Variants in RNF111 observed in about 807,000 individuals in gnomAD.
RNF111 encodes the protein ring finger protein 111, also known as E3 ubiquitin-protein ligase Arkadia.
Under a neutral mutation model 95.1 loss-of-function variants are expected in RNF111, and 17 were observed. That is an observed-to-expected ratio of 0.18 (90% CI 0.12 to 0.27). RNF111 has a LOEUF of 0.27. Among genes scored for constraint, RNF111 ranks in the 10% least tolerant of loss-of-function variants. The pLI is 1.00. For synonymous variants in RNF111, 440 were observed against 414.8 expected, an observed-to-expected ratio of 1.06 and a Z score of -0.74; for missense variants, 1,189 against 1,210.4, an observed-to-expected ratio of 0.98 and a Z score of 0.26.
At chr15:59,093,393 C>T (rs935823582) in intron 13 of RNF111, 1 of 420,930 alleles carries the variant, frequency 2.4e-6, no homozygotes, top group Non-Finnish European at 4.6e-6. Context: ...CTTCTGTTGC[C>T]CAGGCTCAGG....
At chr15:59,061,629 C>G (rs1395492976) in intron 5 of RNF111, among the ~76,000 whole-genome samples, 2 of 152,206 alleles carry the variant, frequency 1.3e-5, no homozygotes, top group African/African-American at 4.8e-5. Context: ...CTACTAATTC[C>G]TAGTCTCCTA....
intron 1 of RNF111, among the ~76,000 whole-genome samples, chr15:59,009,428 T>C (rs2039689180): frequency 6.6e-6 from 1 of 151,742 alleles, no homozygotes; most frequent in South Asian, 2.1e-4. Flanking sequence ...GACCAAATGG[T>C]GATGACTTAA....
At chr15:59,088,609 G>A (rs1293771079) in intron 10 of RNF111, among the ~76,000 whole-genome samples, 1 of 152,174 alleles carries the variant, frequency 6.6e-6, no homozygotes, top group African/African-American at 2.4e-5. Flanking sequence ...GAATGGTGCT[G>A]TATCTCAGAA....
At chr15:59,054,484 T>G (rs1389191457) in intron 3 of RNF111, among the ~76,000 whole-genome samples, 1 of 152,074 alleles carries the variant, frequency 6.6e-6, no homozygotes, top group Non-Finnish European at 1.5e-5. Context: ...CATCATAGAC[T>G]CTTGATTTTT....
intron 2 of RNF111, among the ~76,000 whole-genome samples, chr15:59,048,744 T>A (rs1337931004): frequency 5.3e-5 from 8 of 152,190 alleles, no homozygotes; most frequent in Non-Finnish European, 7.4e-5. Flanking sequence ...GTTACTTTTT[T>A]AAAAACCATT....
chr15:59,062,916 T>G (rs2042502875), intron 5 of RNF111, among the ~76,000 whole-genome samples: 1 of 152,190 alleles, frequency 6.6e-6, no homozygotes, highest in Non-Finnish European at 1.5e-5. Context: ...CATCCTTGGT[T>G]TGTAGCCTCT....
chr15:59,012,285 T>G (rs1425464296), intron 1 of RNF111, among the ~76,000 whole-genome samples: 5 of 152,130 alleles, frequency 3.3e-5, no homozygotes, highest in African/African-American at 9.6e-5. Context: ...TCCCAAAATG[T>G]TGAGATTACA....
intron 1 of RNF111, among the ~76,000 whole-genome samples, chr15:59,005,070 A>G (rs1468744842): frequency 6.6e-6 from 1 of 152,188 alleles, no homozygotes; most frequent in Non-Finnish European, 1.5e-5. Flanking sequence ...TATGGGCTTG[A>G]TGTCTATCTA....
intron 5 of RNF111, among the ~76,000 whole-genome samples, chr15:59,059,742 T>A (rs2042354542): frequency 6.6e-6 from 1 of 152,168 alleles, no homozygotes; most frequent in Admixed American, 6.5e-5. Flanking sequence ...TTATATCCTT[T>A]GTTTAACTGA....
chr15:59,048,827 C>G (rs2041832158), intron 2 of RNF111, among the ~76,000 whole-genome samples: 1 of 152,074 alleles, frequency 6.6e-6, no homozygotes, highest in African/African-American at 2.4e-5. Context: ...GTGGCTCATA[C>G]TTGTAACCCC....
chr15:59,046,300 C>A (rs775771288), intron 2 of RNF111, among the ~76,000 whole-genome samples: 2 of 150,138 alleles, frequency 1.3e-5, no homozygotes, highest in Non-Finnish European at 2.9e-5. Flanking sequence ...CTAAGGTGAT[C>A]CTCCCACGTC....
chr15:59,082,724 C>T (rs1370347702), intron 8 of RNF111, among the ~76,000 whole-genome samples: 6 of 152,126 alleles, frequency 3.9e-5, no homozygotes, highest in Admixed American at 6.5e-5. Context: ...AAAAATTTCC[C>T]GTTTTACCCT....
intron 2 of RNF111, among the ~76,000 whole-genome samples, chr15:59,051,182 G>A (rs1173328823): frequency 5.9e-5 from 9 of 152,050 alleles, no homozygotes; most frequent in Admixed American, 6.6e-5. Flanking sequence ...CGCCTGGTGC[G>A]GTGGCTCACG....
chr15:59,051,041 C>T lies in RNF111; in HGVS notation c.881-1264C>T, dbSNP rs1333894710. Among the ~76,000 whole-genome samples, 3 of 152,050 alleles carry T rather than the reference C, an allele frequency of 2.0e-5. No individual in the cohort carries two copies. In the East Asian group the frequency reaches 5.8e-4, roughly 29 times the overall value. On this transcript the variant is annotated intron_variant, in intron 2 of 13. Coordinates refer to ENST00000348370, the MANE Select transcript of RNF111 (RefSeq NM_017610.8). ...TCATAACAAAAATCAGTTCTAGATA[C>T]AGTAATATAAAGAATATTAAAGACT...
At chr15:58,989,742 G>A (rs750758396) in intron 1 of RNF111, among the ~76,000 whole-genome samples, 1 of 152,158 alleles carries the variant, frequency 6.6e-6, no homozygotes, top group Non-Finnish European at 1.5e-5. Flanking sequence ...TGATGTTTAA[G>A]AGAAAAGCAC....
chr15:59,084,664 G>A (rs1461806648), intron 9 of RNF111, among the ~76,000 whole-genome samples: 1 of 151,976 alleles, frequency 6.6e-6, no homozygotes, highest in Admixed American at 6.6e-5. Context: ...TAAACGGTAC[G>A]TTATTCTTCA....
intron 2 of RNF111, among the ~76,000 whole-genome samples, chr15:59,041,735 C>T (rs7175490): frequency 0.41 from 62,110 of 151,974 alleles, 14,035 homozygotes; most frequent in African/African-American, 0.62. Context: ...TGTAACCATT[C>T]TGAATGCTCA....
At chr15:59,082,739 A>G (rs933108199) in intron 8 of RNF111, among the ~76,000 whole-genome samples, 2 of 152,134 alleles carry the variant, frequency 1.3e-5, no homozygotes, top group Admixed American at 1.3e-4. Context: ...TACCCTTCAC[A>G]TAACCTGTTT....
At chr15:59,071,366 T>C (rs1161477464) in intron 6 of RNF111, among the ~76,000 whole-genome samples, 1 of 150,356 alleles carries the variant, frequency 6.7e-6, no homozygotes, top group Admixed American at 6.6e-5. Flanking sequence ...GAGGTGAAAG[T>C]GTTTTGCTTA....
Sources: allele counts gnomAD v4.1 joint callset (sites outside exome capture counted in the v4.1 genomes callset), GRCh38; gene constraint gnomAD v4.1.1; transcripts MANE v1.5; gene names NCBI Gene and HGNC (gene_info 2026-07-23, HGNC 2026-07-21).